SCARF2: variants seen among roughly 807,000 people sequenced by gnomAD.
SCARF2 encodes the protein scavenger receptor expressed by endothelial cells 2 protein.
SCARF2 carries 39 observed loss-of-function variants against 73.4 expected under a neutral mutation model. That is an observed-to-expected ratio of 0.53 (90% confidence interval 0.41 to 0.69). The LOEUF is 0.69. SCARF2 is among the 30% of genes least tolerant of loss of function. SCARF2 has a pLI of 0.00. For missense variants in SCARF2, 1,148 were observed against 1,303.5 expected, an observed-to-expected ratio of 0.88 and a Z score of 1.84; for synonymous variants, 605 against 590.0, an observed-to-expected ratio of 1.03 and a Z score of -0.37.
chr22:20,428,524 G>C, intron 9 of SCARF2, among the ~76,000 whole-genome samples: 1 of 152,114 alleles, frequency 6.6e-6, no homozygotes, highest in East Asian at 1.9e-4. Flanking sequence ...GGCTGGTCTT[G>C]AACTCCAGGC....
Position 20,425,918 on chromosome 22 carries a change from T to C in SCARF2, c.2058A>G (p.Pro686=), listed in dbSNP as rs2052571362. The C allele has an allele frequency of 1.9e-6, 3 of 1,597,248 alleles. No homozygotes were observed. In the African/African-American group the frequency reaches 4.1e-5, roughly 22 times the overall value. Residue 686 remains proline, a synonymous_variant, in exon 11 of 11, where the codon CCA becomes CCG. Coordinates refer to ENST00000622235, the MANE Select transcript of SCARF2 (RefSeq NM_182895.5). The surrounding 1 kb of genome is among the most constrained non-coding windows in gnomAD (Gnocchi z 4.6). ...AAGRAPSPPP[P]GSEAAPSPSK... The stretch of plus-strand genomic sequence containing the variant: ...TGGGGCTGGGCGCGGCCTCGGAGCC[T>C]GGCGGCGGTGGTGAGGGCGCACGGC...
At position 20,427,444 on chromosome 22, in the gene SCARF2, CGAG is replaced by C. The variant is rs1569106538; in HGVS notation, c.1644_1646del (p.Ser549del). On this transcript the variant is annotated inframe_deletion, in exon 10 of 11. Coordinates refer to ENST00000622235, the MANE Select transcript of SCARF2 (RefSeq NM_182895.5). ...CAGGGCCTTCATCAGTGGTGTCAAA[CGAG>C]GAGAAGGAGGCCCGAGAGGACCAGG... The C allele has an allele frequency of 1.9e-6, 3 of 1,614,040 alleles. No individual in the cohort carries two copies. Among genetic ancestry groups the C allele is most frequent in the Admixed American group, 1.7e-5 (1 of 60,004 alleles).
chr22:20,435,193 G>T (rs2052687440), intron 1 of SCARF2, among the ~76,000 whole-genome samples: 3 of 152,192 alleles, frequency 2.0e-5, no homozygotes. Flanking sequence ...TTCAGGCTGG[G>T]AAGCTGAGAC....
rs912817023 is a variant in SCARF2 at position 20,430,500 on chromosome 22, G to T, written c.1131C>A (p.Ala377=). 3 of 1,603,376 alleles carry T rather than the reference G, an allele frequency of 1.9e-6. No individual in the cohort carries two copies. Among genetic ancestry groups the T allele is most frequent in the Non-Finnish European group, 2.6e-6 (3 of 1,175,688 alleles). The change falls in exon 6 of 11, where the codon GCC becomes GCA. Residue 377 remains alanine (A), a synonymous_variant. Transcript: ENST00000622235. The stretch of plus-strand genomic sequence containing the variant: ...AGTCGCAGTGTCCGCTGCCGCAGTC[G>T]GCGCACACGAAGGCGCAGTCCTCGC... The part of the protein sequence containing the change: ...TYGEDCAFVC[A]DCGSGHCDFQ...
Position 20,429,256 on chromosome 22 carries a change from C to T in SCARF2, c.1509G>A (p.Pro503=). Residue 503 remains proline, a synonymous_variant, in exon 9 of 11, where the codon CCG becomes CCA. Transcript: ENST00000622235. The surrounding 1 kb of genome is among the most constrained non-coding windows in gnomAD (Gnocchi z 5.2). ...SRISMKLPRI[P]LRRQKLPKVV... ...CTTTGGGTAGTTTCTGCCTCCGGAG[C>T]GGGATCCGGGGCAGCTTCATGCTGA... 6.2e-7 allele frequency: 1 copy of T among 1,612,438 alleles called. No individual in the cohort carries two copies.
At position 20,425,338 on chromosome 22, in the gene SCARF2, A is replaced by T. The variant is rs2052559184; in HGVS notation, c.*37T>A. On this transcript the variant is annotated 3_prime_UTR_variant, in exon 11 of 11. Coordinates refer to ENST00000622235, the MANE Select transcript of SCARF2 (RefSeq NM_182895.5). The surrounding 1 kb of genome is among the most constrained non-coding windows in gnomAD (Gnocchi z 4.6). The stretch of plus-strand genomic sequence containing the variant: ...GTGTGGGGTGGCGGGCGGCGCTGCG[A>T]AGCTGAGGGAGCTGCGCGCGGACGA... 2 of 1,348,364 alleles carry T rather than the reference A, an allele frequency of 1.5e-6. No individual in the cohort carries two copies. Among genetic ancestry groups the T allele is most frequent in the African/African-American group, 1.5e-5 (1 of 66,126 alleles). 83.5% of individuals were successfully genotyped at this position (1,348,364 alleles called of 1,614,324 possible). A position where few individuals can be genotyped will look rare whatever the true frequency, so the allele number is the denominator to read the frequency against.
chr22:20,428,254 T>TTTCTC (rs1286560015), intron 9 of SCARF2, among the ~76,000 whole-genome samples: 113 of 144,368 alleles, frequency 7.8e-4, no homozygotes, highest in African/African-American at 1.7e-3. Context: ...TCTTTCTTCT[T>TTTCTC]TTCTCTTCTC....
At chr22:20,430,052 C>T (rs919118605) in intron 6 of SCARF2, 62 of 625,274 alleles carry the variant, frequency 9.9e-5, no homozygotes, top group Admixed American at 1.1e-4. Flanking sequence ...AGTGGGGGGG[C>T]CTGGGGGATA....
intron 3 of SCARF2, 57 bp from the exon 4 acceptor site, chr22:20,431,594 G>A (rs2052648765): frequency 8.4e-6 from 13 of 1,544,560 alleles, no homozygotes; most frequent in East Asian, 2.4e-5. Context: ...GGTGCCCCCA[G>A]CCAGCCGGAA....
chr22:20,431,284 C>T lies in SCARF2; in HGVS notation c.588G>A (p.Gln196=). The T allele has an allele frequency of 1.3e-6, 2 of 1,528,028 alleles. No individual in the cohort carries two copies. Among genetic ancestry groups the T allele is most frequent in the Non-Finnish European group, 1.7e-6 (2 of 1,145,446 alleles). 94.7% of individuals were successfully genotyped at this position (1,528,028 alleles called of 1,614,324 possible). The change falls in exon 4 of 11, where the codon CAG becomes CAA. Residue 196 remains glutamine, a synonymous_variant. Transcript: ENST00000622235. ...YCSATSRCDP[Q]TGACLCHAGW... Reference sequence around the variant, plus strand: ...CTGCGTGGCACAGGCAGGCGCCGGTCTGTGGGTCGCAGCGCGACGTGGCGC... The same window carrying T: ...CTGCGTGGCACAGGCAGGCGCCGGTTTGTGGGTCGCAGCGCGACGTGGCGC...
At chr22:20,434,152 G>A (rs1046344578) in intron 1 of SCARF2, among the ~76,000 whole-genome samples, 4 of 152,068 alleles carry the variant, frequency 2.6e-5, no homozygotes, top group Non-Finnish European at 4.4e-5. Flanking sequence ...TTTTTGCCGG[G>A]CGTGCTGGCA....
At position 20,433,487 on chromosome 22, in the gene SCARF2, C is replaced by T. The variant is rs76753324; in HGVS notation, c.174-1499G>A. Among the ~76,000 whole-genome samples, 665 of 152,262 alleles carry T rather than the reference C, an allele frequency of 4.4e-3. 3 individuals carry two copies. Among genetic ancestry groups the T allele is most frequent in the Middle Eastern group, 0.017 (5 of 294 alleles). ...CTACACCATGCATTTCAGGATAGTA[C>T]ATGCCTGGCATGCTCCTGCCCAGGC... On this transcript the variant is annotated intron_variant, in intron 1 of 10. Transcript: ENST00000622235.
At position 20,431,528 on chromosome 22, in the gene SCARF2, C is replaced by T; in HGVS notation, c.344G>A (p.Arg115His). 1 of 1,574,916 alleles carries T rather than the reference C, an allele frequency of 6.3e-7. No homozygotes were observed. The highest frequency in any genetic ancestry group is 8.6e-7 in the Non-Finnish European group (1 of 1,168,490). Residue 115 changes from arginine to histidine, a missense_variant, in exon 4 of 11, where the codon CGC becomes CAC. Physicochemically the swap from Arg to His is conservative, Grantham distance 29 (BLOSUM62 0). This residue lies in a region of SCARF2 where 372 missense variants were observed against 532.0 expected (regional missense o/e 0.70). Coordinates refer to ENST00000622235, the MANE Select transcript of SCARF2 (RefSeq NM_182895.5). ...CTTGCAGTCGGGGCCCCAGAACTGGCGCGGGCACTCTGCAGGGGAGGAGCG... is the reference window on the plus strand; with the variant it reads ...CTTGCAGTCGGGGCCCCAGAACTGGTGCGGGCACTCTGCAGGGGAGGAGCG... ...FGANCDTKCP[R>H]QFWGPDCKEL...
chr22:20,429,816 G>C lies in SCARF2; in HGVS notation c.1220C>G (p.Pro407Arg). 1.9e-6 allele frequency: 3 copies of C among 1,612,926 alleles called. No homozygotes were observed. The highest frequency in any genetic ancestry group is 1.7e-6 in the Non-Finnish European group (2 of 1,179,772). ...VHGPHCNVTCPPGLHGADCAQ... is the reference protein window; with the variant it reads ...VHGPHCNVTCRPGLHGADCAQ... ...ACAGTCCGCGCCGTGGAGTCCGGGC[G>C]GGCACGTCACGTTACAGCTGCCGGG... is the stretch of plus-strand genomic sequence containing the variant. The change falls in exon 7 of 11, where the codon CCG (proline) becomes CGG (arginine). Residue 407 changes from proline (P) to arginine (R), a missense_variant. This residue lies in a region of SCARF2 where 372 missense variants were observed against 532.0 expected (regional missense o/e 0.70). Transcript: ENST00000622235. The surrounding 1 kb of genome is among the most constrained non-coding windows in gnomAD (Gnocchi z 5.2).
Position 20,427,489 on chromosome 22 carries a change from C to T in SCARF2, c.1602G>A (p.Leu534=). 1.2e-6 allele frequency: 2 copies of T among 1,614,080 alleles called. No homozygotes were observed. The highest frequency in any genetic ancestry group is 1.3e-5 in the African/African-American group (1 of 75,062). The change falls in exon 10 of 11, where the codon CTG becomes CTA. Residue 534 remains leucine, a synonymous_variant. Coordinates refer to ENST00000622235, the MANE Select transcript of SCARF2 (RefSeq NM_182895.5). ...NCSFLEPPSG[L]EQPSPSWSSR... is the part of the protein sequence containing the mutation. ...AGGACCAGGATGGTGAGGGCTGCTC[C>T]AGCCCTGAGGGTGGCTCCAGGAAGC...
chr22:20,425,924 C>A lies in SCARF2; in HGVS notation c.2052G>T (p.Pro684=). ...TGGGCGCGGCCTCGGAGCCTGGCGG[C>A]GGTGGTGAGGGCGCACGGCCAGCTG... ...AAAAGRAPSP[P]PPGSEAAPSP... is the part of the protein sequence containing the mutation. The change falls in exon 11 of 11, where the codon CCG becomes CCT. Residue 684 remains proline (P), a synonymous_variant. Coordinates refer to ENST00000622235, the MANE Select transcript of SCARF2 (RefSeq NM_182895.5). This position sits in a 1 kb window ranked among gnomAD's most constrained non-coding sequence, Gnocchi z 4.6. The A allele has an allele frequency of 6.3e-7, 1 of 1,597,064 alleles. No homozygotes were observed. Among genetic ancestry groups the A allele is most frequent in the African/African-American group, 1.4e-5 (1 of 73,236 alleles).
rs1186570903 is a variant in SCARF2 at position 20,426,152 on chromosome 22, G to A, written c.1824C>T (p.Ser608=). The A allele has an allele frequency of 4.8e-6, 7 of 1,472,298 alleles. No individual in the cohort carries two copies. The highest frequency in any genetic ancestry group is 6.3e-6 in the Non-Finnish European group (7 of 1,118,244). The allele number at this position is 1,472,298 out of a possible 1,614,324, so 91.2% of individuals were successfully genotyped here. A position where few individuals can be genotyped will look rare whatever the true frequency, so the allele number is the denominator to read the frequency against. ...EAIPLPASSD[S]ERSASSVEGP... ...CCTCCACGCTGGACGCCGACCGCTC[G>A]CTGTCGGAGGACGCGGGGAGGGGTA... The change falls in exon 11 of 11, where the codon AGC becomes AGT. Residue 608 remains serine (S), a synonymous_variant. Transcript: ENST00000622235.
chr22:20,437,316 T>C (rs1437575194), intron 1 of SCARF2, among the ~76,000 whole-genome samples: 1 of 152,250 alleles, frequency 6.6e-6, no homozygotes, highest in Non-Finnish European at 1.5e-5. Context: ...TCTTTCCTGA[T>C]ATCCCGGACA....
At position 20,425,476 on chromosome 22, in the gene SCARF2, G is replaced by T; in HGVS notation, c.2500C>A (p.Pro834Thr). The change falls in exon 11 of 11, where the codon CCT becomes ACT. Residue 834 changes from proline (P) to threonine (T), a missense_variant. This residue lies in a region of SCARF2 where 169 missense variants were observed against 136.9 expected (regional missense o/e 1.23). Coordinates refer to ENST00000622235, the MANE Select transcript of SCARF2 (RefSeq NM_182895.5). The surrounding 1 kb of genome is among the most constrained non-coding windows in gnomAD (Gnocchi z 4.6). The part of the protein sequence containing the change: ...PEKAATDLPA[P>T]ETPRKKTPIQ... Reference sequence around the variant, plus strand: ...GGGGTCTTCTTCCGGGGGGTCTCAGGCGCGGGCAAGTCGGTCGCCGCCTTC... The same window carrying T: ...GGGGTCTTCTTCCGGGGGGTCTCAGTCGCGGGCAAGTCGGTCGCCGCCTTC... The T allele has an allele frequency of 1.4e-6, 2 of 1,393,846 alleles. No individual in the cohort carries two copies. The allele number at this position is 1,393,846 out of a possible 1,614,324, so 86.3% of individuals were successfully genotyped here. A position where few individuals can be genotyped will look rare whatever the true frequency, so the allele number is the denominator to read the frequency against.
Sources: gnomAD v4.1 joint callset for allele counts (sites outside exome capture counted in the v4.1 genomes callset) on GRCh38, gnomAD v4.1.1 for gene constraint, gnomAD v4.1.1 regional missense constraint, Gnocchi (gnomAD v3.1) non-coding constraint, MANE v1.5 for transcripts, NCBI Gene and HGNC (gene_info 2026-07-23, HGNC 2026-07-21) for gene names.